The following CHMP4B variants were observed in gnomAD, a reference collection of about 807,000 sequenced individuals.
CHMP4B encodes the protein SNF7 homolog associated with Alix 1.
CHMP4B carries 1 observed loss-of-function variant against 25.1 expected under a neutral mutation model. That is an observed-to-expected ratio of 0.04 (90% CI 0.01 to 0.19). The LOEUF (loss-of-function observed/expected upper bound fraction) is 0.19, where lower values mean the gene tolerates loss of function less well. CHMP4B is among the 10% of genes least tolerant of loss of function. The pLI is 1.00. For missense variants in CHMP4B, 151 were observed against 289.7 expected (o/e 0.52, Z 3.48); for synonymous variants, 101 against 115.6 (o/e 0.87, Z 0.81).
At chr20:33,846,997 A>G (rs371509452) in intron 1 of CHMP4B, among the ~76,000 whole-genome samples, 4 of 152,198 alleles carry the variant, frequency 2.6e-5, no homozygotes, top group Non-Finnish European at 4.4e-5. Flanking sequence ...GAGAAAAACC[A>G]TATTTAGTTA....
Position 33,850,976 on chromosome 20 carries a change from A to T in CHMP4B, c.393A>T (p.Leu131Phe). The T allele has an allele frequency of 6.2e-7, 1 of 1,613,548 alleles. No homozygotes were observed. Among genetic ancestry groups the T allele is most frequent in the Non-Finnish European group, 8.5e-7 (1 of 1,179,406 alleles). Residue 131 changes from leucine (L) to phenylalanine (F), a missense_variant, in exon 3 of 5, where the codon TTA (leucine) becomes TTT (phenylalanine). Leu to Phe is a conservative substitution (Grantham distance 22). Around this residue, in one of 3 missense-constraint regions of CHMP4B, gnomAD observed 82 missense variants for 208.3 expected, o/e 0.39. Transcript: ENST00000217402. ...DNMDIDKVDE[L>F]MQDIADQQEL... ...GGGACATCGATAAAGTTGATGAGTT[A>T]ATGCAGGACATTGCTGACCAGCAAG... is the stretch of plus-strand genomic sequence containing the variant.
intron 1 of CHMP4B, among the ~76,000 whole-genome samples, chr20:33,832,081 C>T (rs560970119): frequency 6.6e-5 from 10 of 152,228 alleles, no homozygotes; most frequent in South Asian, 4.2e-4. Context: ...CTAACAAGCG[C>T]GCACATTGGA....
Position 33,841,923 on chromosome 20 carries a change from A to G in CHMP4B, c.191-6544A>G, listed in dbSNP as rs111721424. 2.1e-3 allele frequency among the ~76,000 whole-genome samples: 326 copies of G among 152,298 alleles called. 1 individual carries two copies. The highest frequency in any genetic ancestry group is 3.5e-3 in the Non-Finnish European group (239 of 68,032). On this transcript the variant is annotated intron_variant, in intron 1 of 4. Coordinates refer to ENST00000217402, the MANE Select transcript of CHMP4B (RefSeq NM_176812.5). ...TTTGTAGCAACTAAATTTGGAGACA[A>G]CAGACTTGAGGTGGTGGAAAGAGTC... is the stretch of plus-strand genomic sequence containing the variant.
chr20:33,842,039 C>T (rs1187404447), intron 1 of CHMP4B, among the ~76,000 whole-genome samples: 1 of 152,126 alleles, frequency 6.6e-6, no homozygotes, highest in African/African-American at 2.4e-5. Flanking sequence ...CTGTTCTGGA[C>T]ATCATTTTTC....
rs1349176564 is a variant in CHMP4B, at chr20:33,854,024, C to T, written c.*464C>T. 8.7e-6 allele frequency: 2 copies of T among 228,714 alleles called. No homozygotes were observed. The highest frequency in any genetic ancestry group is 2.3e-5 in the African/African-American group (1 of 43,916). 14.2% of individuals were successfully genotyped at this position (228,714 alleles called of 1,614,324 possible). On this transcript the variant is annotated 3_prime_UTR_variant, in exon 5 of 5. Transcript: ENST00000217402. ...CAAAAGCCATAGGCTTTTCCTTGCC[C>T]TTAGCTGTAATAATGCATCTGATTT...
At chr20:33,817,334 G>A (rs2122781960) in intron 1 of CHMP4B, among the ~76,000 whole-genome samples, 1 of 152,362 alleles carries the variant, frequency 6.6e-6, no homozygotes, top group Middle Eastern at 3.4e-3. Flanking sequence ...TAATTCAAAT[G>A]ACAAATCCTT....
At chr20:33,836,768 T>C (rs1979403610) in intron 1 of CHMP4B, among the ~76,000 whole-genome samples, 1 of 152,208 alleles carries the variant, frequency 6.6e-6, no homozygotes, top group South Asian at 2.1e-4. Context: ...GCCTGGGTTT[T>C]CCTTGCCTGC....
chr20:33,836,318 C>T (rs1979390746), intron 1 of CHMP4B, among the ~76,000 whole-genome samples: 1 of 151,494 alleles, frequency 6.6e-6, no homozygotes, highest in South Asian at 2.1e-4. Context: ...GTTTTGGGGG[C>T]ACAAGTTTTT....
At chr20:33,848,318 T>A in intron 1 of CHMP4B, 149 bp from the exon 2 acceptor site, 1 of 792,982 alleles carries the variant, frequency 1.3e-6, no homozygotes, top group Middle Eastern at 3.5e-4. Flanking sequence ...GAAAATTGAA[T>A]GTGCTCTTTG....
intron 1 of CHMP4B, among the ~76,000 whole-genome samples, chr20:33,829,599 C>G (rs1184665384): frequency 6.6e-6 from 1 of 152,178 alleles, no homozygotes; most frequent in Non-Finnish European, 1.5e-5. Flanking sequence ...TTATGTGAAA[C>G]CAGACCCCAG....
At chr20:33,821,064 C>T (rs1978925901) in intron 1 of CHMP4B, among the ~76,000 whole-genome samples, 1 of 152,162 alleles carries the variant, frequency 6.6e-6, no homozygotes, top group Admixed American at 6.5e-5. Flanking sequence ...GCAGTGGATT[C>T]TCTACTGTCT....
At chr20:33,819,541 T>C (rs2122783857) in intron 1 of CHMP4B, among the ~76,000 whole-genome samples, 1 of 152,334 alleles carries the variant, frequency 6.6e-6, no homozygotes, top group Non-Finnish European at 1.5e-5. Context: ...TGACAGCTGA[T>C]ATTTCTAGCT....
At position 33,853,796 on chromosome 20, in the gene CHMP4B, T is replaced by C. The variant is rs187600351; in HGVS notation, c.*236T>C. The C allele has an allele frequency of 9.6e-4, 503 of 521,594 alleles. 3 individuals are homozygous for C. The East Asian group carries it at 0.017, about 18-fold the overall frequency. 32.3% of individuals were successfully genotyped at this position (521,594 alleles called of 1,614,324 possible). A position where few individuals can be genotyped will look rare whatever the true frequency, so the allele number is the denominator to read the frequency against. On this transcript the variant is annotated 3_prime_UTR_variant, in exon 5 of 5. Coordinates refer to ENST00000217402, the MANE Select transcript of CHMP4B (RefSeq NM_176812.5). ...GGGAAGTGCCTGCTGTTTATAATGT[T>C]GAATTTCTGTAAAATAAACTGTATT... is the stretch of plus-strand genomic sequence containing the variant.
intron 1 of CHMP4B, among the ~76,000 whole-genome samples, chr20:33,836,407 A>G (rs1290453505): frequency 6.6e-6 from 1 of 151,750 alleles, no homozygotes; most frequent in African/African-American, 2.4e-5. Flanking sequence ...GTATAGAGCT[A>G]GTTAATCCCT....
intron 1 of CHMP4B, among the ~76,000 whole-genome samples, chr20:33,832,959 T>G (rs868318308): frequency 2.9e-4 from 11 of 38,236 alleles, no homozygotes; most frequent in Non-Finnish European, 6.2e-4. Flanking sequence ...AAAAAAAATT[T>G]TTTTTTTTTT....
Position 33,830,259 on chromosome 20 carries a change from C to T in CHMP4B, c.191-18208C>T, listed in dbSNP as rs1321679892. ...GCGCTGGGTGGGAGAGACACTGAGG[C>T]TGTTGATCATCTCAGGGGAGGGACC... On this transcript the variant is annotated intron_variant, in intron 1 of 4. Coordinates refer to ENST00000217402, the MANE Select transcript of CHMP4B (RefSeq NM_176812.5). Among the ~76,000 whole-genome samples the T allele has an allele frequency of 2.0e-5, 3 of 152,110 alleles. No individual in the cohort carries two copies. The East Asian group carries it at 5.8e-4, about 29-fold the overall frequency.
At chr20:33,824,207 C>T (rs1204709882) in intron 1 of CHMP4B, among the ~76,000 whole-genome samples, 1 of 152,112 alleles carries the variant, frequency 6.6e-6, no homozygotes, top group African/African-American at 2.4e-5. Flanking sequence ...CCATTTTTTC[C>T]CTTTTTTTAG....
chr20:33,819,978 T>C (rs1978890191), intron 1 of CHMP4B, among the ~76,000 whole-genome samples: 3 of 151,090 alleles, frequency 2.0e-5, no homozygotes, highest in South Asian at 2.1e-4. Context: ...CCATCCTGGC[T>C]AACATGGTGA....
intron 1 of CHMP4B, among the ~76,000 whole-genome samples, chr20:33,819,800 A>G (rs1978883488): frequency 6.6e-6 from 1 of 152,206 alleles, no homozygotes; most frequent in African/African-American, 2.4e-5. Flanking sequence ...AGCTACAAAA[A>G]TGGAATACAG....
Sources: allele counts gnomAD v4.1 joint callset (sites outside exome capture counted in the v4.1 genomes callset), GRCh38; gene constraint gnomAD v4.1.1; regional missense constraint gnomAD v4.1.1; transcripts MANE v1.5; gene names NCBI Gene and HGNC (gene_info 2026-07-23, HGNC 2026-07-21).